The following ZNF385B variants were observed in gnomAD, a reference collection of about 807,000 sequenced individuals.
The protein encoded by ZNF385B is zinc finger protein 533.
Under a neutral mutation model 39.2 loss-of-function variants are expected in ZNF385B, and 23 were observed. The observed-to-expected ratio is 0.59, with a 90% confidence interval of 0.42 to 0.83. The LOEUF is 0.83. Ranked by LOEUF, ZNF385B falls within the 40% of genes least tolerant of loss-of-function variation. The pLI is 0.00. For synonymous variants in ZNF385B, 205 were observed against 222.6 expected (o/e 0.92, Z 0.70); for missense variants, 552 against 598.9 (o/e 0.92, Z 0.82).
At chr2:179,703,393 A>C (rs989482689) in intron 3 of ZNF385B, among the ~76,000 whole-genome samples, 20 of 152,092 alleles carry the variant, frequency 1.3e-4, no homozygotes, top group African/African-American at 4.6e-4. Flanking sequence ...ACATACACGC[A>C]CTTCAAAACC....
chr2:179,648,721 G>C (rs747785903), intron 3 of ZNF385B, among the ~76,000 whole-genome samples: 1 of 152,086 alleles, frequency 6.6e-6, no homozygotes, highest in Admixed American at 6.5e-5. Context: ...AAATGACAAG[G>C]CTCCTGAGTC....
At chr2:179,677,388 C>G (rs896676078) in intron 3 of ZNF385B, among the ~76,000 whole-genome samples, 1 of 152,110 alleles carries the variant, frequency 6.6e-6, no homozygotes, top group East Asian at 1.9e-4. Context: ...TCCCAAACAA[C>G]AGGAAGTGAA....
At chr2:179,662,335 G>C (rs1263153595) in intron 3 of ZNF385B, among the ~76,000 whole-genome samples, 1 of 151,198 alleles carries the variant, frequency 6.6e-6, no homozygotes, top group Non-Finnish European at 1.5e-5. Flanking sequence ...TTTTTTAAAC[G>C]TCTGTGTTAT....
intron 3 of ZNF385B, among the ~76,000 whole-genome samples, chr2:179,612,057 A>G (rs1689332001): frequency 6.6e-6 from 1 of 152,082 alleles, no homozygotes; most frequent in Admixed American, 6.6e-5. Flanking sequence ...TAATTCCAGA[A>G]TTTCTGATTC....
rs149927828 is a variant in ZNF385B at position 179,651,018 on chromosome 2, C to T, written c.299-106049G>A. On this transcript the variant is annotated intron_variant, in intron 3 of 9. Coordinates refer to ENST00000410066, the MANE Select transcript of ZNF385B (RefSeq NM_152520.6). Reference sequence around the variant, plus strand: ...ACAATGCCTTTTGAGTCCCCTGTGCCGCTGGTATTACTCGAAGAAAGGACA... The same window carrying T: ...ACAATGCCTTTTGAGTCCCCTGTGCTGCTGGTATTACTCGAAGAAAGGACA... Among the ~76,000 whole-genome samples, 12 of 152,154 alleles carry T rather than the reference C, an allele frequency of 7.9e-5. No individual in the cohort carries two copies. In the East Asian group the frequency reaches 1.9e-3, roughly 24 times the overall value.
At chr2:179,734,878 A>G (rs1701639230) in intron 3 of ZNF385B, among the ~76,000 whole-genome samples, 1 of 152,224 alleles carries the variant, frequency 6.6e-6, no homozygotes, top group African/African-American at 2.4e-5. Flanking sequence ...AGAAAAATCA[A>G]TTCAAGATGG....
intron 3 of ZNF385B, among the ~76,000 whole-genome samples, chr2:179,581,814 T>G (rs57672569): frequency 0.019 from 2,907 of 152,278 alleles, 83 homozygotes; most frequent in African/African-American, 0.065. Context: ...AAGGTGTGTT[T>G]CCTCCTTTTT....
At chr2:179,673,925 TC>T (rs1469054421) in intron 3 of ZNF385B, among the ~76,000 whole-genome samples, 5 of 152,186 alleles carry the variant, frequency 3.3e-5, no homozygotes, top group Non-Finnish European at 5.9e-5. Context: ...CAACATAAAA[TC>T]ATGCAGACTT....
chr2:179,493,749 G>A lies in ZNF385B; in HGVS notation c.553-10315C>T, dbSNP rs368173679. ...TATATACATATATGTATACATATGT[G>A]TATATACATATATGTATACATATAT... On this transcript the variant is annotated intron_variant, in intron 5 of 9. Transcript: ENST00000410066. Among the ~76,000 whole-genome samples, 474 of 120,122 alleles carry A rather than the reference G, an allele frequency of 3.9e-3. 8 individuals are homozygous for A. The highest frequency in any genetic ancestry group is 0.02 in the South Asian group (82 of 4,128). 78.8% of individuals were successfully genotyped at this position (120,122 alleles called of 152,430 possible).
chr2:179,813,954 A>C (rs1332046519), intron 1 of ZNF385B, among the ~76,000 whole-genome samples: 15 of 152,248 alleles, frequency 9.9e-5, no homozygotes, highest in Non-Finnish European at 1.5e-5. Context: ...AAAAATAGAA[A>C]GTAGGTTAAA....
intron 3 of ZNF385B, among the ~76,000 whole-genome samples, chr2:179,673,807 A>T (rs552706059): frequency 6.6e-6 from 1 of 152,370 alleles, no homozygotes; most frequent in East Asian, 1.9e-4. Context: ...TGAAGATACT[A>T]TTTCATAACT....
In ZNF385B at chr2:179,443,427, G is replaced by A; in HGVS notation, c.1284C>T (p.Ala428=). Reference sequence around the variant, plus strand: ...CGAGAGGTGAGGACAGGAAGGCTGGGGCCAAAGGCTTCATCATATCTTTCT... The same window carrying A: ...CGAGAGGTGAGGACAGGAAGGCTGGAGCCAAAGGCTTCATCATATCTTTCT... ...AFQKDMMKPL[A]PAFLSSPLAA... is the part of the protein sequence containing the mutation. The change falls in exon 10 of 10, where the codon GCC becomes GCT. Residue 428 remains alanine (A), a synonymous_variant. Coordinates refer to ENST00000410066, the MANE Select transcript of ZNF385B (RefSeq NM_152520.6). 1.2e-6 allele frequency: 2 copies of A among 1,610,068 alleles called. No individual in the cohort carries two copies. Among genetic ancestry groups the A allele is most frequent in the Non-Finnish European group, 1.7e-6 (2 of 1,178,232 alleles).
intron 1 of ZNF385B, among the ~76,000 whole-genome samples, chr2:179,839,564 G>A: frequency 6.6e-6 from 1 of 152,162 alleles, no homozygotes; most frequent in East Asian, 1.9e-4. Context: ...ACCATTCACA[G>A]ACACTCAAAA....
At chr2:179,821,293 T>A (rs1395646963) in intron 1 of ZNF385B, among the ~76,000 whole-genome samples, 5 of 152,126 alleles carry the variant, frequency 3.3e-5, no homozygotes, top group African/African-American at 9.7e-5. Flanking sequence ...TCTTTGTGAG[T>A]GAATTTCTTT....
At chr2:179,605,018 T>C (rs1044797440) in intron 3 of ZNF385B, among the ~76,000 whole-genome samples, 3 of 152,136 alleles carry the variant, frequency 2.0e-5, no homozygotes, top group Non-Finnish European at 4.4e-5. Context: ...TCCTTATTTA[T>C]TGAAAGTATA....
chr2:179,806,978 A>G (rs552867170), intron 1 of ZNF385B, among the ~76,000 whole-genome samples: 60 of 152,334 alleles, frequency 3.9e-4, no homozygotes, highest in African/African-American at 1.4e-3. Flanking sequence ...ACGCTTCTAG[A>G]GGGCTTATAA....
rs568795689 is a variant in ZNF385B, at chr2:179,733,690, G to A, written c.298+35813C>T. Among the ~76,000 whole-genome samples the A allele has an allele frequency of 4.9e-4, 75 of 151,836 alleles. No individual in the cohort carries two copies. The East Asian group carries it at 0.014, about 28-fold the overall frequency. On this transcript the variant is annotated intron_variant, in intron 3 of 9. Transcript: ENST00000410066. ...CCCAGCTACTCCGGAGGCGGAGGCC[G>A]GAGAATGGCATGAACCCGGGAGGCG...
At chr2:179,453,013 CT>C (rs1210289433) in intron 6 of ZNF385B, among the ~76,000 whole-genome samples, 2 of 152,140 alleles carry the variant, frequency 1.3e-5, no homozygotes, top group Non-Finnish European at 2.9e-5. Flanking sequence ...TTACTCTACA[CT>C]ATTTTTTACA....
chr2:179,834,765 T>G (rs74331879), intron 1 of ZNF385B, among the ~76,000 whole-genome samples: 7,175 of 152,298 alleles, frequency 0.047, 243 homozygotes, highest in Non-Finnish European at 0.071. Flanking sequence ...TGGGGAAATC[T>G]GGCAAATACA....
Sources: allele counts gnomAD v4.1 joint callset (sites outside exome capture counted in the v4.1 genomes callset), GRCh38; gene constraint gnomAD v4.1.1; transcripts MANE v1.5; gene names NCBI Gene and HGNC (gene_info 2026-07-23, HGNC 2026-07-21).